The following LSM4 variants were observed in gnomAD, a reference collection of about 807,000 sequenced individuals.
LSM4 encodes U6 snRNA-associated Sm-like protein LSm4.
Under a neutral mutation model 22.3 loss-of-function variants are expected in LSM4, and 15 were observed. The ratio of observed to expected loss-of-function variants is 0.67; its 90% CI spans 0.45 to 1.03. The LOEUF is 1.03. Among genes scored for constraint, LSM4 ranks in the 50% least tolerant of loss-of-function variants. The pLI is 0.00. For missense variants in LSM4, 127 were observed against 198.0 expected (o/e 0.64, Z 2.15); for synonymous variants, 90 against 79.8 (o/e 1.13, Z -0.68).
At chr19:18,310,034 C>A (rs1970281775) in intron 3 of LSM4, 173 bp from the exon 4 acceptor site, 2 of 606,168 alleles carry the variant, frequency 3.3e-6, no homozygotes, top group Non-Finnish European at 5.6e-6. Context: ...CAGGCAGGAT[C>A]TGTCCTGACC....
chr19:18,314,224 G>A (rs1455067495), intron 2 of LSM4, among the ~76,000 whole-genome samples: 6 of 152,158 alleles, frequency 3.9e-5, no homozygotes, highest in East Asian at 1.9e-4. Flanking sequence ...CCTATCAGCA[G>A]ACAAACACAT....
intron 3 of LSM4, among the ~76,000 whole-genome samples, chr19:18,310,758 T>C (rs1970289864): frequency 6.6e-6 from 1 of 152,012 alleles, no homozygotes; most frequent in African/African-American, 2.4e-5. Flanking sequence ...CAGGGCCCCC[T>C]CCAGCCTGGG....
chr19:18,316,197 C>T (rs1465349557), intron 1 of LSM4, 132 bp from the exon 2 acceptor site: 2 of 699,580 alleles, frequency 2.9e-6, no homozygotes. Context: ...TCAATCACCC[C>T]CCACTGGAAA....
In LSM4 at chr19:18,315,154, G is replaced by A. The variant is rs538516359; in HGVS notation, c.45+870C>T. 3.3e-5 allele frequency among the ~76,000 whole-genome samples: 5 copies of A among 152,042 alleles called. No homozygotes were observed. The South Asian group carries it at 1.0e-3, about 32-fold the overall frequency. ...GGCCTCCCAAAGTGCTGGGATTACA[G>A]GCATAGAGCCACCACGCCCGGCCAA... On this transcript the variant is annotated intron_variant, in intron 2 of 4. Coordinates refer to ENST00000593829, the MANE Select transcript of LSM4 (RefSeq NM_012321.5).
chr19:18,308,583 C>T (rs1247618933), intron 4 of LSM4, among the ~76,000 whole-genome samples: 1 of 152,202 alleles, frequency 6.6e-6, no homozygotes, highest in African/African-American at 2.4e-5. Flanking sequence ...CTCCACAGAG[C>T]CCGCTGGGAG....
intron 3 of LSM4, among the ~76,000 whole-genome samples, chr19:18,311,852 G>C (rs73007706): frequency 0.073 from 11,126 of 152,136 alleles, 476 homozygotes; most frequent in Non-Finnish European, 0.084. Flanking sequence ...CTCCCCCCTC[G>C]AGCCCTGTTG....
At chr19:18,312,415 G>C (rs1970308119) in intron 3 of LSM4, 189 bp downstream of exon 3, 7 of 545,970 alleles carry the variant, frequency 1.3e-5, no homozygotes, top group South Asian at 2.0e-5. Context: ...CAGGGTCAAA[G>C]TCCAGGGCAC....
chr19:18,307,409 G>A lies in LSM4; in HGVS notation c.*55C>T. 1 of 1,403,270 alleles carries A rather than the reference G, an allele frequency of 7.1e-7. No homozygotes were observed. The highest frequency in any genetic ancestry group is 1.4e-5 in the South Asian group (1 of 71,512). 86.9% of individuals were successfully genotyped at this position (1,403,270 alleles called of 1,614,324 possible). Reference sequence around the variant, plus strand: ...CTGAGCAGATCCGTCCGAGACTGTGGAGCGGAATCGCCACCCTGGCAGGAG... The same window carrying A: ...CTGAGCAGATCCGTCCGAGACTGTGAAGCGGAATCGCCACCCTGGCAGGAG... On this transcript the variant is annotated 3_prime_UTR_variant, in exon 5 of 5. Transcript: ENST00000593829.
intron 4 of LSM4, among the ~76,000 whole-genome samples, chr19:18,308,998 C>A (rs754957001): frequency 6.6e-6 from 1 of 152,198 alleles, no homozygotes; most frequent in Non-Finnish European, 1.5e-5. Context: ...GGAGCCAGGC[C>A]GGGGACCCCA....
At chr19:18,314,504 T>C (rs982945302) in intron 2 of LSM4, among the ~76,000 whole-genome samples, 5 of 151,288 alleles carry the variant, frequency 3.3e-5, no homozygotes, top group Non-Finnish European at 7.4e-5. Context: ...GCGACAGAGC[T>C]AGACTCCCTC....
rs112339704 is a variant in LSM4 at position 18,316,724 on chromosome 19, T to C, written c.4-659A>G. Among the ~76,000 whole-genome samples, 407 of 152,094 alleles carry C rather than the reference T, an allele frequency of 2.7e-3. 1 individual carries two copies. Among genetic ancestry groups the C allele is most frequent in the Middle Eastern group, 0.014 (4 of 294 alleles). On this transcript the variant is annotated intron_variant, in intron 1 of 4. Transcript: ENST00000593829. ...GATGAGGTTACTCTGAGTATGGAGTTGAGGACACTACAGCTTGGAAACCCG... is the reference window on the plus strand; with the variant it reads ...GATGAGGTTACTCTGAGTATGGAGTCGAGGACACTACAGCTTGGAAACCCG...
In LSM4 at chr19:18,307,095, TA is replaced by T; in HGVS notation, c.*368del. The T allele has an allele frequency of 5.2e-6, 1 of 193,728 alleles. No individual in the cohort carries two copies. Among genetic ancestry groups the T allele is most frequent in the Middle Eastern group, 1.8e-3 (1 of 542 alleles). 12.0% of individuals were successfully genotyped at this position (193,728 alleles called of 1,614,324 possible). ...CAGTCCCAGCATGAACAGCTTAAAATAAAAATCTCCCGTCTGGTTGCTGCTC... is the reference window on the plus strand; with the variant it reads ...CAGTCCCAGCATGAACAGCTTAAAATAAAATCTCCCGTCTGGTTGCTGCTC... On this transcript the variant is annotated 3_prime_UTR_variant, in exon 5 of 5. Transcript: ENST00000593829.
intron 3 of LSM4, among the ~76,000 whole-genome samples, chr19:18,311,572 C>A (rs1970297859): frequency 6.6e-6 from 1 of 152,206 alleles, no homozygotes; most frequent in Admixed American, 6.5e-5. Flanking sequence ...GATTCCAATA[C>A]CGGAAGTGGA....
intron 3 of LSM4, 120 bp downstream of exon 3, chr19:18,312,484 A>T: frequency 1.3e-6 from 1 of 787,700 alleles, no homozygotes; most frequent in Non-Finnish European, 2.2e-6. Context: ...GACCCCTGGA[A>T]GGACGAGCAG....
intron 1 of LSM4, among the ~76,000 whole-genome samples, chr19:18,320,419 G>C (rs1438222961): frequency 2.0e-5 from 3 of 151,492 alleles, no homozygotes; most frequent in Non-Finnish European, 4.4e-5. Flanking sequence ...AGGTCAGGTG[G>C]GAGGATCACG....
intron 2 of LSM4, 25 bp downstream of exon 2, chr19:18,315,999 C>G: frequency 6.2e-7 from 1 of 1,611,108 alleles, no homozygotes; most frequent in South Asian, 1.1e-5. Flanking sequence ...CTCAAACAGG[C>G]TTTCCCAGAC....
chr19:18,312,729 G>C, intron 2 of LSM4, 27 bp from the exon 3 acceptor site: 2 of 1,567,858 alleles, frequency 1.3e-6, no homozygotes, highest in Non-Finnish European at 1.8e-6. Context: ...CTAGAGGTTG[G>C]CTGTAGCCCT....
chr19:18,319,863 C>T (rs1429913311), intron 1 of LSM4, among the ~76,000 whole-genome samples: 15 of 152,216 alleles, frequency 9.9e-5, no homozygotes, highest in African/African-American at 3.4e-4. Context: ...ACCTGTGTCC[C>T]TCGCTAGACT....
At position 18,306,990 on chromosome 19, in the gene LSM4, C is replaced by CGGTTCGAAGGCTTT. The variant is rs1970232159; in HGVS notation, c.*460_*473dup. 1 of 155,998 alleles carries CGGTTCGAAGGCTTT rather than the reference C, an allele frequency of 6.4e-6. No homozygotes were observed. The highest frequency in any genetic ancestry group is 1.4e-5 in the Non-Finnish European group (1 of 70,790). The allele number at this position is 155,998 out of a possible 1,614,324, so 9.7% of individuals were successfully genotyped here. Reference sequence around the variant, plus strand: ...GCCAGGGCCCGAGGCATCCCCTGCACGGTTCGAAGGCTTTCAACCGTCCCG... The same window carrying CGGTTCGAAGGCTTT: ...GCCAGGGCCCGAGGCATCCCCTGCACGGTTCGAAGGCTTTGGTTCGAAGGCTTTCAACCGTCCCG... On this transcript the variant is annotated 3_prime_UTR_variant, in exon 5 of 5. Transcript: ENST00000593829.
Sources: gnomAD v4.1 joint callset for allele counts (sites outside exome capture counted in the v4.1 genomes callset) on GRCh38, gnomAD v4.1.1 for gene constraint, MANE v1.5 for transcripts, NCBI Gene and HGNC (gene_info 2026-07-23, HGNC 2026-07-21) for gene names.